Variants in CACNA2D2 observed in about 807,000 individuals in gnomAD.
CACNA2D2 encodes calcium voltage-gated channel auxiliary subunit alpha2delta 2.
Under a neutral mutation model 166.4 loss-of-function variants are expected in CACNA2D2, and 48 were observed. The observed-to-expected ratio is 0.29, with a 90% confidence interval of 0.23 to 0.37. CACNA2D2 has a LOEUF of 0.37. Among genes scored for constraint, CACNA2D2 ranks in the 10% least tolerant of loss-of-function variants. The pLI is 1.00. For synonymous variants in CACNA2D2, 561 were observed against 573.7 expected (o/e 0.98, Z 0.32); for missense variants, 1,122 against 1,433.0 (o/e 0.78, Z 3.50).
chr3:50,495,403 G>A (rs1292956147), intron 1 of CACNA2D2, among the ~76,000 whole-genome samples: 3 of 152,210 alleles, frequency 2.0e-5, no homozygotes, highest in African/African-American at 7.2e-5. Context: ...GAAAATGCCA[G>A]GAAAGCAAAA....
At chr3:50,502,912 G>C (rs1303929916) in intron 1 of CACNA2D2, among the ~76,000 whole-genome samples, 1 of 152,170 alleles carries the variant, frequency 6.6e-6, no homozygotes, top group African/African-American at 2.4e-5. Flanking sequence ...CAGCGGCAGG[G>C]GAATCAGCTG....
intron 2 of CACNA2D2, among the ~76,000 whole-genome samples, chr3:50,456,342 T>G (rs1709357803): frequency 6.6e-6 from 1 of 152,058 alleles, no homozygotes; most frequent in Non-Finnish European, 1.5e-5. Flanking sequence ...GGGGAGAGGC[T>G]CACACATTTC....
intron 1 of CACNA2D2, among the ~76,000 whole-genome samples, chr3:50,500,677 T>C: frequency 6.6e-6 from 1 of 152,066 alleles, no homozygotes; most frequent in East Asian, 1.9e-4. Flanking sequence ...TGTGCATACA[T>C]GTGTGCAAAC....
intron 1 of CACNA2D2, among the ~76,000 whole-genome samples, chr3:50,480,907 A>AGTGGG (rs1698022272): frequency 6.6e-5 from 1 of 15,258 alleles, no homozygotes; most frequent in Non-Finnish European, 1.5e-4. Flanking sequence ...AGGGGGAGGA[A>AGTGGG]AGGGGAGGAA....
chr3:50,373,042 G>A, intron 22 of CACNA2D2: 1 of 1,532,868 alleles, frequency 6.5e-7, no homozygotes, highest in Non-Finnish European at 8.7e-7. Flanking sequence ...AGAGGAGGGT[G>A]CACTGGTTCT....
chr3:50,453,747 C>T (rs976984329), intron 2 of CACNA2D2, among the ~76,000 whole-genome samples: 9 of 152,210 alleles, frequency 5.9e-5, no homozygotes, highest in South Asian at 2.1e-4. Flanking sequence ...CTTGGCGAGA[C>T]GGGAATGGAC....
intron 4 of CACNA2D2, among the ~76,000 whole-genome samples, chr3:50,392,435 G>A (rs1559904589): frequency 6.6e-6 from 1 of 152,192 alleles, no homozygotes; most frequent in Non-Finnish European, 1.5e-5. Context: ...GGACACCAGT[G>A]GGACAGGCCG....
intron 3 of CACNA2D2, among the ~76,000 whole-genome samples, chr3:50,412,590 T>C (rs1198693936): frequency 6.6e-6 from 1 of 151,724 alleles, no homozygotes; most frequent in Non-Finnish European, 1.5e-5. Flanking sequence ...TTGGCCATGT[T>C]TTTCTTTTCT....
At chr3:50,435,186 G>T (rs1320121235) in intron 2 of CACNA2D2, among the ~76,000 whole-genome samples, 1 of 151,844 alleles carries the variant, frequency 6.6e-6, no homozygotes, top group Non-Finnish European at 1.5e-5. Flanking sequence ...GTGTGCACGT[G>T]CCTGCGTGTT....
At chr3:50,446,568 A>G (rs1708857272) in intron 2 of CACNA2D2, among the ~76,000 whole-genome samples, 1 of 152,142 alleles carries the variant, frequency 6.6e-6, no homozygotes, top group African/African-American at 2.4e-5. Flanking sequence ...CCCCTTGGCC[A>G]TGTCCATTGG....
chr3:50,399,301 C>T (rs1052095069), intron 3 of CACNA2D2, among the ~76,000 whole-genome samples: 1 of 152,234 alleles, frequency 6.6e-6, no homozygotes, highest in African/African-American at 2.4e-5. Context: ...TTTTTCTGCA[C>T]AGCCCAGAGG....
rs755251875 is a variant in CACNA2D2, at chr3:50,375,874, G to A, written c.1780C>T (p.Arg594Trp). ...LEDENKEEIR[R>W]SMIDGNKGHK... is the part of the protein sequence containing the mutation. ...CCCTTGTTGCCATCAATCATGCTCC[G>A]ACGGATCTGGAAGGGCCAGAGATGT... Residue 594 changes from arginine to tryptophan, a missense_variant, in exon 20 of 38, where the codon CGG becomes TGG. Arg to Trp is a moderately radical substitution (Grantham distance 101). This residue lies in a region of CACNA2D2 where 840 missense variants were observed against 1,166.8 expected (regional missense o/e 0.72). Coordinates refer to ENST00000424201, the MANE Select transcript of CACNA2D2 (RefSeq NM_006030.4). The surrounding 1 kb of genome is among the most constrained non-coding windows in gnomAD (Gnocchi z 4.0). The A allele has an allele frequency of 6.2e-6, 10 of 1,612,922 alleles. No individual in the cohort carries two copies. Among genetic ancestry groups the A allele is most frequent in the Admixed American group, 3.3e-5 (2 of 60,012 alleles).
intron 2 of CACNA2D2, among the ~76,000 whole-genome samples, chr3:50,474,012 G>A (rs191408157): frequency 4.1e-4 from 63 of 152,332 alleles, no homozygotes; most frequent in Non-Finnish European, 5.9e-4. Flanking sequence ...CGCTGAGCAC[G>A]GCCCTGCTCT....
At chr3:50,497,618 T>TG (rs1028627175) in intron 1 of CACNA2D2, among the ~76,000 whole-genome samples, 5 of 152,218 alleles carry the variant, frequency 3.3e-5, no homozygotes, top group African/African-American at 1.2e-4. Flanking sequence ...GGGCAGGGCT[T>TG]GGCTGAGTCT....
intron 4 of CACNA2D2, among the ~76,000 whole-genome samples, chr3:50,387,997 C>T (rs992898437): frequency 1.1e-4 from 16 of 152,310 alleles, no homozygotes; most frequent in African/African-American, 3.4e-4. Flanking sequence ...AATAATGACT[C>T]GACGCCGCAT....
Position 50,380,521 on chromosome 3 carries a change from A to G in CACNA2D2, c.842+227T>C, listed in dbSNP as rs1263404522. Among the ~76,000 whole-genome samples the G allele has an allele frequency of 2.0e-5, 3 of 152,056 alleles. No individual in the cohort carries two copies. The highest frequency in any genetic ancestry group is 2.9e-5 in the Non-Finnish European group (2 of 67,976). The stretch of plus-strand genomic sequence containing the variant: ...GGTCCAATCTCCCTTCCAATCTCTC[A>G]GTCCTGAGTGGGTGGGGGTGCTGGG... On this transcript the variant is annotated intron_variant, in intron 8 of 37. Coordinates refer to ENST00000424201, the MANE Select transcript of CACNA2D2 (RefSeq NM_006030.4). This position sits in a 1 kb window ranked among gnomAD's most constrained non-coding sequence, Gnocchi z 4.9.
chr3:50,471,302 G>C (rs930617460), intron 2 of CACNA2D2, among the ~76,000 whole-genome samples: 4 of 152,126 alleles, frequency 2.6e-5, no homozygotes, highest in Non-Finnish European at 5.9e-5. Flanking sequence ...ACCAGTGGGG[G>C]ACCTGGCCAA....
chr3:50,470,808 G>A (rs1245348697), intron 2 of CACNA2D2, among the ~76,000 whole-genome samples: 2 of 152,022 alleles, frequency 1.3e-5, no homozygotes, highest in African/African-American at 2.4e-5. Context: ...GGTCTAGGCA[G>A]GGCTTTGGTC....
chr3:50,439,660 T>C (rs1201138662), intron 2 of CACNA2D2, among the ~76,000 whole-genome samples: 1 of 152,186 alleles, frequency 6.6e-6, no homozygotes, highest in Non-Finnish European at 1.5e-5. Flanking sequence ...GGGCGAGGCC[T>C]CCTGAGGCCC....
Sources: allele counts gnomAD v4.1 joint callset (sites outside exome capture counted in the v4.1 genomes callset), GRCh38; gene constraint gnomAD v4.1.1; regional missense constraint gnomAD v4.1.1; non-coding constraint Gnocchi (gnomAD v3.1); transcripts MANE v1.5; gene names NCBI Gene and HGNC (gene_info 2026-07-23, HGNC 2026-07-21).